Variants in MYO5B observed in about 807,000 individuals in gnomAD.
MYO5B encodes the protein unconventional myosin-Vb.
In MYO5B, 143 loss-of-function variants were observed where a neutral mutation model predicts 229.3. The ratio of observed to expected loss-of-function variants is 0.62; its 90% CI spans 0.54 to 0.72. The LOEUF is 0.72. Among genes scored for constraint, MYO5B ranks in the 30% least tolerant of loss-of-function variants. MYO5B has a pLI of 0.00. For missense variants in MYO5B, 2,321 were observed against 2,331.0 expected (o/e 1.00, Z 0.09); for synonymous variants, 918 against 885.2 (o/e 1.04, Z -0.66).
At chr18:49,962,677 T>C (rs1360509271) in intron 11 of MYO5B, among the ~76,000 whole-genome samples, 2 of 21,250 alleles carry the variant, frequency 9.4e-5, no homozygotes, top group African/African-American at 2.2e-4. Flanking sequence ...TGGCTTGCTG[T>C]TGCTTAAATA....
intron 1 of MYO5B, among the ~76,000 whole-genome samples, chr18:50,139,218 G>C (rs149205853): frequency 2.2e-4 from 34 of 152,270 alleles, no homozygotes; most frequent in African/African-American, 7.5e-4. Flanking sequence ...TGTGAGATGT[G>C]GGGGGCCCTG....
intron 3 of MYO5B, among the ~76,000 whole-genome samples, 155 bp downstream of exon 3, chr18:50,039,988 C>A (rs867847034): frequency 1.3e-5 from 2 of 152,064 alleles, no homozygotes; most frequent in Admixed American, 1.3e-4. Context: ...CCTAATTAAG[C>A]CACATTCACT....
chr18:49,835,522 C>A, intron 38 of MYO5B, 98 bp from the exon 39 acceptor site: 2 of 805,622 alleles, frequency 2.5e-6, no homozygotes, highest in Admixed American at 3.6e-5. Flanking sequence ...AGAGTATGAT[C>A]CTCTTTAGAC....
rs139092675 is a variant in MYO5B at position 49,865,234 on chromosome 18, G to A, written c.3604-854C>T. 3.1e-4 allele frequency among the ~76,000 whole-genome samples: 47 copies of A among 152,298 alleles called. No homozygotes were observed. The East Asian group carries it at 8.7e-3, about 28-fold the overall frequency. On this transcript the variant is annotated intron_variant, in intron 27 of 39. Transcript: ENST00000285039. Reference sequence around the variant, plus strand: ...TCTTGATTTGCTGAGTGAGGAAGCTGAGCCCAGGGAGGGGAAGGCTCACAG... The same window carrying A: ...TCTTGATTTGCTGAGTGAGGAAGCTAAGCCCAGGGAGGGGAAGGCTCACAG...
chr18:50,132,674 A>G (rs1207033501), intron 1 of MYO5B, among the ~76,000 whole-genome samples: 1 of 152,218 alleles, frequency 6.6e-6, no homozygotes, highest in African/African-American at 2.4e-5. Context: ...GCTCAGAATT[A>G]GCCCAGGAAT....
intron 4 of MYO5B, among the ~76,000 whole-genome samples, chr18:50,025,327 C>T (rs560449236): frequency 5.9e-5 from 9 of 152,230 alleles, no homozygotes; most frequent in African/African-American, 2.2e-4. Context: ...ACTCAAAGAA[C>T]GCAGTTTCCA....
At chr18:49,974,715 A>G in intron 9 of MYO5B, 100 bp from the exon 10 acceptor site, 1 of 1,416,514 alleles carries the variant, frequency 7.1e-7, no homozygotes. Flanking sequence ...AACAAGCCAA[A>G]CTCAAGGCCT....
At chr18:49,847,052 G>A (rs1264763818) in intron 33 of MYO5B, 94 bp downstream of exon 33, 1 of 1,524,928 alleles carries the variant, frequency 6.6e-7, no homozygotes, top group East Asian at 2.3e-5. Flanking sequence ...TGCAGGAGGT[G>A]AAGGAAGGGG....
rs777155836 is a variant in MYO5B at position 49,878,950 on chromosome 18, T to G, written c.3271A>C (p.Ile1091Leu). 112 of 1,614,036 alleles carry G rather than the reference T, an allele frequency of 6.9e-5. No homozygotes were observed. Among genetic ancestry groups the G allele is most frequent in the Non-Finnish European group, 9.2e-5 (109 of 1,180,018 alleles). ...YDNLRDEMTIIKQTPGHRRNP... is the reference protein window; with the variant it reads ...YDNLRDEMTILKQTPGHRRNP... ...AGCAGAAGCACCCCCCTTGCCTTTA[T>G]GATGGTCATTTCATCCCGAAGGTTG... Residue 1091 changes from isoleucine to leucine, a missense_variant, in exon 24 of 40, where the codon ATA becomes CTA. Physicochemically the swap from Ile to Leu is conservative, Grantham distance 5 (BLOSUM62 2). This residue lies in a region of MYO5B where 2,113 missense variants were observed against 2,044.7 expected (regional missense o/e 1.03). Transcript: ENST00000285039.
intron 22 of MYO5B, among the ~76,000 whole-genome samples, chr18:49,892,830 T>G (rs2024730953): frequency 6.6e-6 from 1 of 152,228 alleles, no homozygotes; most frequent in Admixed American, 6.5e-5. Flanking sequence ...TGTTGGTTTC[T>G]GAGTGTTTCT....
At chr18:50,099,003 A>G (rs558563098) in intron 1 of MYO5B, 56 of 153,074 alleles carry the variant, frequency 3.7e-4, no homozygotes, top group African/African-American at 1.3e-3. Context: ...AACGGCCTTT[A>G]TATGAATGAT....
intron 2 of MYO5B, among the ~76,000 whole-genome samples, chr18:50,050,388 T>C (rs2030359726): frequency 6.6e-6 from 1 of 152,190 alleles, no homozygotes; most frequent in East Asian, 1.9e-4. Flanking sequence ...GCAAGGACAA[T>C]AGTCCTAGTG....
At chr18:49,898,007 C>T (rs1217796856) in intron 21 of MYO5B, among the ~76,000 whole-genome samples, 4 of 152,192 alleles carry the variant, frequency 2.6e-5, no homozygotes, top group Non-Finnish European at 4.4e-5. Context: ...CGTTTAGATA[C>T]ACAAATATCA....
At chr18:49,860,216 C>A (rs1056234500) in intron 29 of MYO5B, among the ~76,000 whole-genome samples, 1 of 152,124 alleles carries the variant, frequency 6.6e-6, no homozygotes, top group Non-Finnish European at 1.5e-5. Flanking sequence ...CAGACCAGAG[C>A]CCTGGCCACA....
At chr18:50,125,091 C>G in intron 1 of MYO5B, among the ~76,000 whole-genome samples, 1 of 152,130 alleles carries the variant, frequency 6.6e-6, no homozygotes, top group Non-Finnish European at 1.5e-5. Context: ...CTGGCACAAG[C>G]CCCAGGGTCT....
At chr18:50,155,609 C>T (rs1040454287) in intron 1 of MYO5B, among the ~76,000 whole-genome samples, 2 of 152,156 alleles carry the variant, frequency 1.3e-5, no homozygotes, top group South Asian at 2.1e-4. Context: ...TTGTTTTGCC[C>T]GGCACTCCCA....
chr18:49,924,050 A>G (rs1020060729), intron 17 of MYO5B, among the ~76,000 whole-genome samples: 1 of 152,202 alleles, frequency 6.6e-6, no homozygotes, highest in Non-Finnish European at 1.5e-5. Flanking sequence ...AACATGGGAC[A>G]TTCAGCTCCA....
At chr18:49,867,820 T>C (rs1360180679) in intron 27 of MYO5B, among the ~76,000 whole-genome samples, 1 of 152,158 alleles carries the variant, frequency 6.6e-6, no homozygotes, top group East Asian at 1.9e-4. Flanking sequence ...CAAGCTAAAG[T>C]TGTGAAAATG....
At chr18:49,929,691 A>G (rs887107903) in intron 16 of MYO5B, 93 bp from the exon 17 acceptor site, 13 of 1,119,412 alleles carry the variant, frequency 1.2e-5, no homozygotes, top group African/African-American at 3.1e-5. Context: ...TTCCTGCAGC[A>G]TGTGAAGTAC....
Sources: gnomAD v4.1 joint callset for allele counts (sites outside exome capture counted in the v4.1 genomes callset) on GRCh38, gnomAD v4.1.1 for gene constraint, gnomAD v4.1.1 regional missense constraint, MANE v1.5 for transcripts, NCBI Gene and HGNC (gene_info 2026-07-23, HGNC 2026-07-21) for gene names.